The following KDELR1 variants were observed in gnomAD, a reference collection of about 807,000 sequenced individuals.
The protein encoded by KDELR1 is ER lumen protein-retaining receptor 1.
KDELR1 carries 16 observed loss-of-function variants against 25.5 expected under a neutral mutation model. The ratio of observed to expected loss-of-function variants is 0.63; its 90% CI spans 0.43 to 0.95. The LOEUF (loss-of-function observed/expected upper bound fraction) is 0.95, where lower values mean the gene tolerates loss of function less well. Ranked by LOEUF, KDELR1 falls within the 40% of genes least tolerant of loss-of-function variation. The pLI, the probability that KDELR1 is intolerant of heterozygous loss-of-function variation, is 0.00. For synonymous variants in KDELR1, 121 were observed against 115.0 expected (o/e 1.05, Z -0.33); for missense variants, 159 against 265.2 (o/e 0.60, Z 2.78).
intron 3 of KDELR1, 61 bp downstream of exon 3, chr19:48,389,492 C>T: frequency 1.9e-6 from 3 of 1,594,350 alleles, no homozygotes; most frequent in Non-Finnish European, 2.6e-6. Context: ...AGAGGGTCTC[C>T]TGTCATAGCT....
chr19:48,386,510 C>T (rs1005459566), intron 3 of KDELR1, among the ~76,000 whole-genome samples: 27 of 149,318 alleles, frequency 1.8e-4, no homozygotes, highest in Non-Finnish European at 3.1e-4. Flanking sequence ...TACAGTAGCA[C>T]GATCTCAGCT....
chr19:48,390,542 A>C lies in KDELR1; in HGVS notation c.92-18T>G. On this transcript the variant is annotated intron_variant, in intron 1 of 4. Transcript: ENST00000330720. The stretch of plus-strand genomic sequence containing the variant: ...TGAAATTCCTGTGGTCCAGAGACAG[A>C]GAAAGAGAGAGAGAGAGAGACAGAG... 1 of 1,529,368 alleles carries C rather than the reference A, an allele frequency of 6.5e-7. No individual in the cohort carries two copies. The highest frequency in any genetic ancestry group is 9.0e-7 in the Non-Finnish European group (1 of 1,105,154). 94.7% of individuals were successfully genotyped at this position (1,529,368 alleles called of 1,614,324 possible).
chr19:48,385,339 C>T (rs1970487063), intron 3 of KDELR1, among the ~76,000 whole-genome samples: 1 of 152,222 alleles, frequency 6.6e-6, no homozygotes, highest in South Asian at 2.1e-4. Context: ...CATCCTTCCC[C>T]CAGGACTGTC....
In KDELR1 at chr19:48,390,539, CAG is replaced by C. The variant is rs1235392308; in HGVS notation, c.92-17_92-16del. ...CCCTGAAATTCCTGTGGTCCAGAGA[CAG>C]AGAAAGAGAGAGAGAGAGAGACAGA... On this transcript the variant is annotated splice_polypyrimidine_tract_variant and intron_variant, in intron 1 of 4. Coordinates refer to ENST00000330720, the MANE Select transcript of KDELR1 (RefSeq NM_006801.3). 15 of 1,475,494 alleles carry C rather than the reference CAG, an allele frequency of 1.0e-5. No individual in the cohort carries two copies. Among genetic ancestry groups the C allele is most frequent in the Non-Finnish European group, 1.4e-5 (15 of 1,072,410 alleles). The allele number at this position is 1,475,494 out of a possible 1,614,324, so 91.4% of individuals were successfully genotyped here.
chr19:48,394,483 G>C (rs1044931360), upstream of KDELR1, among the ~76,000 whole-genome samples: 2 of 150,868 alleles, frequency 1.3e-5, no homozygotes, highest in African/African-American at 4.9e-5. The surrounding 1 kb of genome is among the most constrained non-coding windows in gnomAD (Gnocchi z 5.1). Context: ...GGCACAAAGC[G>C]GGGGTGCGAG....
rs1369803022 is a variant in KDELR1 at position 48,389,557 on chromosome 19, A to G, written c.347T>C (p.Leu116Pro). 1 of 1,613,958 alleles carries G rather than the reference A, an allele frequency of 6.2e-7. No individual in the cohort carries two copies. The highest frequency in any genetic ancestry group is 1.3e-5 in the African/African-American group (1 of 74,922). The change falls in exon 3 of 5, where the codon CTG becomes CCG. Residue 116 changes from leucine (L) to proline (P), a missense_variant. By Grantham distance (98) the Leu-to-Pro change is moderately conservative. Coordinates refer to ENST00000330720, the MANE Select transcript of KDELR1 (RefSeq NM_006801.3). The part of the protein sequence containing the change: ...AFLVNHDFTP[L>P]EILWTFSIYL... ...GAGTCACAGCAAGGCGCCTACCTCC[A>G]GAGGGGTGAAGTCATGATTGACCAG... is the stretch of plus-strand genomic sequence containing the variant.
At chr19:48,389,468 G>C (rs561904427) in intron 3 of KDELR1, 85 bp downstream of exon 3, 2 of 1,527,786 alleles carry the variant, frequency 1.3e-6, no homozygotes, top group Non-Finnish European at 1.8e-6. Flanking sequence ...ACACCCTGCA[G>C]AAGGAAGCCT....
rs1374676267 is a variant in KDELR1 at position 48,384,239 on chromosome 19, T to C, written c.595A>G (p.Ile199Val). Reference protein sequence around the residue: ...VLYCDFFYLYITKVLKGKKLS... With the variant: ...VLYCDFFYLYVTKVLKGKKLS... ...CCCACATTCCAGCTACCTTTGGTGA[T>C]ATAGAGGTAGAAGAAATCGCAGTAG... The change falls in exon 4 of 5, where the codon ATC (isoleucine) becomes GTC (valine). Residue 199 changes from isoleucine (I) to valine (V), a missense_variant. Transcript: ENST00000330720. The surrounding 1 kb of genome is among the most constrained non-coding windows in gnomAD (Gnocchi z 4.6). The C allele has an allele frequency of 3.7e-6, 6 of 1,614,000 alleles. No individual in the cohort carries two copies. The African/African-American group carries it at 5.3e-5, about 14-fold the overall frequency.
chr19:48,382,912 G>T lies in KDELR1; in HGVS notation c.*381C>A, dbSNP rs1428668633. 4.9e-6 allele frequency: 1 copy of T among 202,188 alleles called. No individual in the cohort carries two copies. The highest frequency in any genetic ancestry group is 5.6e-5 in the Admixed American group (1 of 17,746). 12.5% of individuals were successfully genotyped at this position (202,188 alleles called of 1,614,324 possible). A position where few individuals can be genotyped will look rare whatever the true frequency, so the allele number is the denominator to read the frequency against. ...GTGTTTGGCAACCAGTGGGGCTGGG[G>T]GTGGGATCTGGGAGGGAGCCGAGGG... is the stretch of plus-strand genomic sequence containing the variant. On this transcript the variant is annotated 3_prime_UTR_variant, in exon 5 of 5. Transcript: ENST00000330720.
intron 4 of KDELR1, among the ~76,000 whole-genome samples, chr19:48,383,536 G>A (rs964582322): frequency 1.3e-5 from 2 of 152,006 alleles, no homozygotes; most frequent in Non-Finnish European, 2.9e-5. Context: ...TTTGAGACAA[G>A]GTCCCACTCT....
rs535169292 is a variant in KDELR1, at chr19:48,383,337, G to A, written c.605-10C>T. ...TTCTTCCCCTTTAGGACTGTGAGGA[G>A]AGAAAACAGGGAGGGCATTACCGCT... is the stretch of plus-strand genomic sequence containing the variant. On this transcript the variant is annotated splice_polypyrimidine_tract_variant and intron_variant, in intron 4 of 4. Transcript: ENST00000330720. 6.4e-6 allele frequency: 10 copies of A among 1,551,764 alleles called. No homozygotes were observed. The Admixed American group carries it at 9.8e-5, about 15-fold the overall frequency.
upstream of KDELR1, among the ~76,000 whole-genome samples, chr19:48,396,143 G>A (rs1262937743): frequency 1.3e-5 from 2 of 152,102 alleles, no homozygotes; most frequent in African/African-American, 4.8e-5. Flanking sequence ...AGATGGAAGT[G>A]GAAACGGAGG....
chr19:48,391,157 T>TG (rs1970546184), intron 1 of KDELR1, 111 bp downstream of exon 1: 1 of 886,030 alleles, frequency 1.1e-6, no homozygotes, highest in Admixed American at 2.0e-5. Context: ...CAGCAAGCAG[T>TG]GGGGGTGGAA....
At chr19:48,393,647 C>A (rs1031307067), upstream of KDELR1, among the ~76,000 whole-genome samples, 11 of 152,054 alleles carry the variant, frequency 7.2e-5, no homozygotes, top group African/African-American at 2.7e-4. The surrounding 1 kb of genome is among the most constrained non-coding windows in gnomAD (Gnocchi z 5.6). Context: ...CAGTGGCAGA[C>A]GGGGACTGAA....
upstream of KDELR1, among the ~76,000 whole-genome samples, chr19:48,396,401 G>A (rs1970640613): frequency 6.6e-6 from 1 of 152,078 alleles, no homozygotes; most frequent in African/African-American, 2.4e-5. Flanking sequence ...GTAGGGAGTG[G>A]GACGCGGGGT....
the KDELR1 span, among the ~76,000 whole-genome samples, chr19:48,396,998 C>T: frequency 6.6e-6 from 1 of 152,136 alleles, no homozygotes; most frequent in Admixed American, 6.5e-5. Context: ...AGCCCAACCA[C>T]CCCAGGCGGC....
In KDELR1 at chr19:48,384,800, C is replaced by T. The variant is rs1168820618; in HGVS notation, c.352-318G>A. The stretch of plus-strand genomic sequence containing the variant: ...TGATTCGAACCAAGGATTCGCAGTC[C>T]GTTCTCATGAACACTTTGCAATTGC... On this transcript the variant is annotated intron_variant, in intron 3 of 4. Transcript: ENST00000330720. This position sits in a 1 kb window ranked among gnomAD's most constrained non-coding sequence, Gnocchi z 4.6. Among the ~76,000 whole-genome samples the T allele has an allele frequency of 2.0e-5, 3 of 152,108 alleles. No homozygotes were observed. Among genetic ancestry groups the T allele is most frequent in the Non-Finnish European group, 2.9e-5 (2 of 68,030 alleles).
upstream of KDELR1, among the ~76,000 whole-genome samples, chr19:48,393,420 T>G (rs1970586051): frequency 6.6e-6 from 1 of 152,140 alleles, no homozygotes; most frequent in Non-Finnish European, 1.5e-5. This position sits in a 1 kb window ranked among gnomAD's most constrained non-coding sequence, Gnocchi z 5.6. Flanking sequence ...CCCTGGAGTC[T>G]AGCTCTGAAG....
rs563503238 is a variant in KDELR1 at position 48,391,534 on chromosome 19, G to A, written c.-176C>T. Reference sequence around the variant, plus strand: ...GGGAGCAAAGGCTGGAGCTGGCGGCGGAGCTGGAGCCGGGAAGAGGGAGGA... The same window carrying A: ...GGGAGCAAAGGCTGGAGCTGGCGGCAGAGCTGGAGCCGGGAAGAGGGAGGA... On this transcript the variant is annotated 5_prime_UTR_variant, in exon 1 of 5. Coordinates refer to ENST00000330720, the MANE Select transcript of KDELR1 (RefSeq NM_006801.3). 3.1e-4 allele frequency: 183 copies of A among 595,566 alleles called. No individual in the cohort carries two copies. The African/African-American group carries it at 3.2e-3, about 10-fold the overall frequency. 36.9% of individuals were successfully genotyped at this position (595,566 alleles called of 1,614,324 possible).
Sources: allele counts gnomAD v4.1 joint callset (sites outside exome capture counted in the v4.1 genomes callset), GRCh38; gene constraint gnomAD v4.1.1; non-coding constraint Gnocchi (gnomAD v3.1); transcripts MANE v1.5; gene names NCBI Gene and HGNC (gene_info 2026-07-23, HGNC 2026-07-21).